Variants in ASIC2 observed in about 807,000 individuals in gnomAD.
ASIC2 encodes the protein acid sensing ion channel subunit 2.
A neutral mutation model predicts 57.3 loss-of-function variants in ASIC2; 25 were observed. That is an observed-to-expected ratio of 0.44 (90% CI 0.32 to 0.61). The LOEUF (loss-of-function observed/expected upper bound fraction) is 0.61. Among genes scored for constraint, ASIC2 ranks in the 20% least tolerant of loss-of-function variants. The pLI is 0.06. For synonymous variants in ASIC2, 319 were observed against 307.5 expected, an observed-to-expected ratio of 1.04 and a Z score of -0.39; for missense variants, 641 against 738.1, an observed-to-expected ratio of 0.87 and a Z score of 1.52.
chr17:33,310,192 GA>G, intron 1 of ASIC2, among the ~76,000 whole-genome samples: 1 of 151,876 alleles, frequency 6.6e-6, no homozygotes, highest in East Asian at 1.9e-4. Context: ...AGTCTGTGGT[GA>G]TAAGAGTTGA....
At chr17:33,243,711 A>G (rs1908592834) in intron 1 of ASIC2, among the ~76,000 whole-genome samples, 1 of 152,226 alleles carries the variant, frequency 6.6e-6, no homozygotes, top group African/African-American at 2.4e-5. Context: ...CATTCTTGCT[A>G]TGATCAAATA....
intron 1 of ASIC2, among the ~76,000 whole-genome samples, chr17:33,399,849 G>A (rs1306459933): frequency 6.6e-6 from 1 of 152,150 alleles, no homozygotes; most frequent in African/African-American, 2.4e-5. Context: ...GGTTCAGTGT[G>A]GCCACCATTC....
chr17:33,413,808 C>A (rs969023900), intron 1 of ASIC2, among the ~76,000 whole-genome samples: 1 of 152,238 alleles, frequency 6.6e-6, no homozygotes, highest in Admixed American at 6.5e-5. Context: ...CCCACCTGTG[C>A]CCTCTCTCTC....
At chr17:33,551,839 ACCT>A (rs1337271469) in intron 1 of ASIC2, among the ~76,000 whole-genome samples, 1 of 151,956 alleles carries the variant, frequency 6.6e-6, no homozygotes, top group Non-Finnish European at 1.5e-5. Flanking sequence ...CACCTCTCTA[ACCT>A]CAGCCATTGT....
At chr17:34,124,809 G>T (rs556746891) in intron 1 of ASIC2, among the ~76,000 whole-genome samples, 1 of 151,724 alleles carries the variant, frequency 6.6e-6, no homozygotes, top group African/African-American at 2.4e-5. Context: ...CCGTCATGGG[G>T]TCTCCACACT....
intron 1 of ASIC2, chr17:34,039,889 G>A (rs1380039511): frequency 1.0e-5 from 16 of 1,581,072 alleles, no homozygotes; most frequent in South Asian, 1.0e-4. Context: ...TGCCGCCGCC[G>A]CCGCTGCCGC....
chr17:33,353,424 T>C (rs549520402), intron 1 of ASIC2, among the ~76,000 whole-genome samples: 2 of 152,230 alleles, frequency 1.3e-5, no homozygotes, highest in South Asian at 4.2e-4. Flanking sequence ...GCACCCTTGA[T>C]CTGGGTTCAA....
At chr17:33,567,028 A>G (rs1916255949) in intron 1 of ASIC2, among the ~76,000 whole-genome samples, 1 of 152,180 alleles carries the variant, frequency 6.6e-6, no homozygotes, top group Non-Finnish European at 1.5e-5. Flanking sequence ...AGTAGATATG[A>G]GTATTCCTTT....
At chr17:33,330,619 C>T (rs191085658) in intron 1 of ASIC2, among the ~76,000 whole-genome samples, 31 of 152,310 alleles carry the variant, frequency 2.0e-4, no homozygotes, top group African/African-American at 4.8e-4. Flanking sequence ...CCTGTCTCTA[C>T]GACTCTAAGT....
chr17:33,013,724 G>A lies in ASIC2; in HGVS notation c.*241C>T, dbSNP rs1014718636. 7 of 544,026 alleles carry A rather than the reference G, an allele frequency of 1.3e-5. No individual in the cohort carries two copies. The highest frequency in any genetic ancestry group is 7.2e-5 in the South Asian group (3 of 41,646). 33.7% of individuals were successfully genotyped at this position (544,026 alleles called of 1,614,324 possible). On this transcript the variant is annotated 3_prime_UTR_variant, in exon 10 of 10. Coordinates refer to ENST00000225823, the MANE Select transcript of ASIC2 (RefSeq NM_183377.2). ...GGCAGTGAGATGTGATGGCAGGTTC[G>A]TTCTTGGACAGTTCCAGAGTGTGAC... is the stretch of plus-strand genomic sequence containing the variant.
At chr17:33,760,649 G>T (rs1910754006) in intron 1 of ASIC2, among the ~76,000 whole-genome samples, 1 of 151,874 alleles carries the variant, frequency 6.6e-6, no homozygotes, top group African/African-American at 2.4e-5. Context: ...ATATGTATGG[G>T]TATGTGGGTG....
At chr17:33,399,889 C>A (rs1910219622) in intron 1 of ASIC2, among the ~76,000 whole-genome samples, 1 of 152,162 alleles carries the variant, frequency 6.6e-6, no homozygotes, top group Non-Finnish European at 1.5e-5. Context: ...AACCTCATTT[C>A]TTTGGGGAAT....
At chr17:33,668,011 ATAT>A (rs1360466953) in intron 1 of ASIC2, among the ~76,000 whole-genome samples, 1 of 152,184 alleles carries the variant, frequency 6.6e-6, no homozygotes, top group Non-Finnish European at 1.5e-5. Context: ...GATCACCAAC[ATAT>A]TATTATAATA....
chr17:33,925,109 C>A (rs1274288526), intron 1 of ASIC2, among the ~76,000 whole-genome samples: 1 of 152,184 alleles, frequency 6.6e-6, no homozygotes, highest in Non-Finnish European at 1.5e-5. Flanking sequence ...ATGCCTCAGG[C>A]CTTTCCAGTG....
intron 1 of ASIC2, among the ~76,000 whole-genome samples, chr17:33,381,740 T>G (rs1452008609): frequency 6.6e-6 from 1 of 152,164 alleles, no homozygotes; most frequent in Non-Finnish European, 1.5e-5. Flanking sequence ...TCATAAAGGA[T>G]ATTAAAGCAT....
chr17:34,136,813 T>A (rs1309149625), intron 1 of ASIC2, among the ~76,000 whole-genome samples: 1 of 152,208 alleles, frequency 6.6e-6, no homozygotes. Context: ...TTTGGCTTTT[T>A]TCATCAGCAC....
At chr17:33,275,104 T>C (rs1018296552) in intron 1 of ASIC2, among the ~76,000 whole-genome samples, 5 of 152,172 alleles carry the variant, frequency 3.3e-5, no homozygotes, top group African/African-American at 1.2e-4. Flanking sequence ...GTCTACACAC[T>C]GCAAAATGAA....
At chr17:34,060,941 A>G (rs969726364) in intron 1 of ASIC2, among the ~76,000 whole-genome samples, 8 of 152,220 alleles carry the variant, frequency 5.3e-5, no homozygotes, top group African/African-American at 1.9e-4. Context: ...ATAATTGAGG[A>G]CAACTTCCCT....
intron 1 of ASIC2, among the ~76,000 whole-genome samples, chr17:34,089,712 AG>A (rs1910253873): frequency 1.3e-5 from 2 of 152,092 alleles, no homozygotes; most frequent in Non-Finnish European, 2.9e-5. Context: ...CTCTCTTCAA[AG>A]ACTCATTTCA....
Sources: gnomAD v4.1 joint callset for allele counts (sites outside exome capture counted in the v4.1 genomes callset) on GRCh38, gnomAD v4.1.1 for gene constraint, MANE v1.5 for transcripts, NCBI Gene and HGNC (gene_info 2026-07-23, HGNC 2026-07-21) for gene names.